Variants in TRAPPC10 observed in about 807,000 individuals in gnomAD.
The protein encoded by TRAPPC10 is trafficking protein particle complex subunit 10, also known as TRAPP 130 kDa subunit.
A neutral mutation model predicts 125.5 loss-of-function variants in TRAPPC10; 23 were observed. The observed-to-expected ratio is 0.18, with a 90% CI of 0.13 to 0.26. The LOEUF (loss-of-function observed/expected upper bound fraction) is 0.26. TRAPPC10 is among the 10% of genes least tolerant of loss of function. The pLI is 1.00. For missense variants in TRAPPC10, 1,123 were observed against 1,308.4 expected (o/e 0.86, Z 2.19); for synonymous variants, 509 against 518.0 (o/e 0.98, Z 0.24).
chr21:44,070,928 CA>C (rs1388573974), intron 7 of TRAPPC10, among the ~76,000 whole-genome samples: 1 of 152,200 alleles, frequency 6.6e-6, no homozygotes, highest in Non-Finnish European at 1.5e-5. Context: ...TCCGTTGAGG[CA>C]GGGGTAACAT....
rs760275819 is a variant in TRAPPC10 at position 44,087,787 on chromosome 21, C to T, written c.2628C>T (p.Ile876=). 2.5e-6 allele frequency: 4 copies of T among 1,614,190 alleles called. No individual in the cohort carries two copies. Among genetic ancestry groups the T allele is most frequent in the South Asian group, 1.1e-5 (1 of 91,084 alleles). ...SLPVAPAYHV[I]EFELEVLSLP... is the part of the protein sequence containing the mutation. The stretch of plus-strand genomic sequence containing the variant: ...CTGTTGCGCCTGCGTACCACGTGAT[C>T]GAATTTGAACTGGAAGTTCTCTCTT... The change falls in exon 17 of 23, where the codon ATC becomes ATT. Residue 876 remains isoleucine, a synonymous_variant. Transcript: ENST00000291574. This position sits in a 1 kb window ranked among gnomAD's most constrained non-coding sequence, Gnocchi z 4.6.
At chr21:44,015,274 G>A (rs2031687886) in intron 1 of TRAPPC10, among the ~76,000 whole-genome samples, 2 of 152,026 alleles carry the variant, frequency 1.3e-5, no homozygotes, top group Admixed American at 6.6e-5. Context: ...AGACCTTTCT[G>A]GGAAGAATAT....
intron 7 of TRAPPC10, among the ~76,000 whole-genome samples, chr21:44,064,916 C>G (rs987217001): frequency 6.6e-6 from 1 of 152,118 alleles, no homozygotes; most frequent in African/African-American, 2.4e-5. Context: ...TTTTCCACCT[C>G]GAAATGACCC....
intron 1 of TRAPPC10, among the ~76,000 whole-genome samples, chr21:44,029,724 G>A (rs1452440119): frequency 2.0e-5 from 3 of 152,142 alleles, no homozygotes; most frequent in African/African-American, 7.2e-5. Context: ...GTCCTCATGG[G>A]GCCTTCCTGC....
chr21:44,076,297 G>A (rs1369903527), intron 9 of TRAPPC10, among the ~76,000 whole-genome samples: 3 of 152,200 alleles, frequency 2.0e-5, no homozygotes, highest in African/African-American at 7.2e-5. Flanking sequence ...CGGAGTATTT[G>A]TAATATATGT....
chr21:44,035,185 C>T (rs1333068225), intron 2 of TRAPPC10, among the ~76,000 whole-genome samples: 3 of 152,184 alleles, frequency 2.0e-5, no homozygotes, highest in Non-Finnish European at 4.4e-5. Flanking sequence ...CTCCTTATCA[C>T]GTGAGTGGCT....
At chr21:44,070,891 C>T (rs1047852977) in intron 7 of TRAPPC10, among the ~76,000 whole-genome samples, 2 of 152,138 alleles carry the variant, frequency 1.3e-5, no homozygotes, top group African/African-American at 4.8e-5. Flanking sequence ...GGCCTGGGGG[C>T]GTCTTCGGAC....
Position 44,074,441 on chromosome 21 carries a change from G to T in TRAPPC10, c.1156G>T (p.Val386Leu), listed in dbSNP as rs775279067. 6.2e-7 allele frequency: 1 copy of T among 1,614,228 alleles called. No individual in the cohort carries two copies. ...AQIDSNIAHT[V>L]GLWSYATEKL... The stretch of plus-strand genomic sequence containing the variant: ...GATCGACTCAAACATTGCCCACACT[G>T]TGGGGCTATGGAGCTATGCCACAGA... Residue 386 changes from valine to leucine, a missense_variant, in exon 8 of 23, where the codon GTG (valine) becomes TTG (leucine). Val to Leu is a conservative substitution (Grantham distance 32, BLOSUM62 1). This residue lies in a region of TRAPPC10 where 840 missense variants were observed against 902.0 expected (regional missense o/e 0.93). Transcript: ENST00000291574.
intron 5 of TRAPPC10, among the ~76,000 whole-genome samples, chr21:44,056,687 C>T (rs1015789038): frequency 2.8e-4 from 43 of 152,256 alleles, no homozygotes; most frequent in African/African-American, 6.0e-4. Flanking sequence ...AAGGGTGCCA[C>T]GGCAGTGAAA....
In TRAPPC10 at chr21:44,035,012, G is replaced by A. The variant is rs907880388; in HGVS notation, c.150-2780G>A. On this transcript the variant is annotated intron_variant, in intron 2 of 22. Transcript: ENST00000291574. ...GCTAATGTCCTAAGCCTCCAGGTTT[G>A]TGGTAGTTTGTGACAGCAGGTCTGG... 2.6e-5 allele frequency among the ~76,000 whole-genome samples: 4 copies of A among 152,240 alleles called. No homozygotes were observed. In the East Asian group the frequency reaches 7.7e-4, roughly 29 times the overall value.
At chr21:44,044,479 T>C (rs2034637128) in intron 3 of TRAPPC10, among the ~76,000 whole-genome samples, 1 of 152,108 alleles carries the variant, frequency 6.6e-6, no homozygotes, top group Admixed American at 6.6e-5. Flanking sequence ...GTAATATGAA[T>C]TATATTACTT....
intron 1 of TRAPPC10, among the ~76,000 whole-genome samples, chr21:44,013,341 T>G (rs113471905): frequency 6.6e-6 from 1 of 152,246 alleles, no homozygotes; most frequent in South Asian, 2.1e-4. Context: ...AACAGTGAGC[T>G]TATGGGAAGT....
At chr21:44,017,665 G>T (rs1045994169) in intron 1 of TRAPPC10, among the ~76,000 whole-genome samples, 2 of 151,714 alleles carry the variant, frequency 1.3e-5, no homozygotes, top group Non-Finnish European at 2.9e-5. Flanking sequence ...GTGCTACGTG[G>T]GGGGCAGGCC....
intron 15 of TRAPPC10, among the ~76,000 whole-genome samples, chr21:44,084,805 C>T: frequency 6.6e-6 from 1 of 152,226 alleles, no homozygotes; most frequent in Non-Finnish European, 1.5e-5. Flanking sequence ...AGGGCTCTCA[C>T]AACCCCCTTT....
At chr21:44,093,091 C>T (rs1473212110) in intron 19 of TRAPPC10, among the ~76,000 whole-genome samples, 7 of 152,226 alleles carry the variant, frequency 4.6e-5, no homozygotes, top group Admixed American at 2.0e-4. Context: ...GCCACCACCT[C>T]TAGCCAAGAT....
intron 9 of TRAPPC10, among the ~76,000 whole-genome samples, chr21:44,076,165 G>C (rs943720213): frequency 6.6e-6 from 1 of 152,194 alleles, no homozygotes; most frequent in Non-Finnish European, 1.5e-5. Flanking sequence ...AAGAATATCT[G>C]ATGAGCTGAA....
chr21:44,012,868 G>T (rs1014004189), intron 1 of TRAPPC10, among the ~76,000 whole-genome samples: 32 of 151,946 alleles, frequency 2.1e-4, no homozygotes, highest in Non-Finnish European at 4.1e-4. Context: ...AGGAGCGGGG[G>T]CTGCCACCGC....
In TRAPPC10 at chr21:44,087,102, C is replaced by A; in HGVS notation, c.2539+142C>A. ...GAGTCCGTGTTCCATAGGAGCCCTGCGGCCTGATGCCTGTGCTGGGGTCCC... is the reference window on the plus strand; with the variant it reads ...GAGTCCGTGTTCCATAGGAGCCCTGAGGCCTGATGCCTGTGCTGGGGTCCC... On this transcript the variant is annotated intron_variant, in intron 16 of 22. Transcript: ENST00000291574. This position sits in a 1 kb window ranked among gnomAD's most constrained non-coding sequence, Gnocchi z 4.6. 1.1e-6 allele frequency: 1 copy of A among 919,594 alleles called. No individual in the cohort carries two copies. The highest frequency in any genetic ancestry group is 1.6e-6 in the Non-Finnish European group (1 of 621,020). 57.0% of individuals were successfully genotyped at this position (919,594 alleles called of 1,614,324 possible).
chr21:44,041,481 G>A (rs1326557593), intron 3 of TRAPPC10, among the ~76,000 whole-genome samples: 1 of 151,708 alleles, frequency 6.6e-6, no homozygotes, highest in African/African-American at 2.4e-5. Context: ...GGTTCAAGTG[G>A]TTCTCCTGCC....
Sources: allele counts gnomAD v4.1 joint callset (sites outside exome capture counted in the v4.1 genomes callset), GRCh38; gene constraint gnomAD v4.1.1; regional missense constraint gnomAD v4.1.1; non-coding constraint Gnocchi (gnomAD v3.1); transcripts MANE v1.5; gene names NCBI Gene and HGNC (gene_info 2026-07-23, HGNC 2026-07-21).